Variants in SMC1A observed in about 807,000 individuals in gnomAD.
SMC1A encodes structural maintenance of chromosomes 1A.
SMC1A carries 4 observed loss-of-function variants against 94.5 expected under a neutral mutation model. That is an observed-to-expected ratio of 0.04 (90% CI 0.02 to 0.10). SMC1A has a LOEUF of 0.10. Among genes scored for constraint, SMC1A ranks in the 10% least tolerant of loss-of-function variants. The pLI, the probability that SMC1A is intolerant of heterozygous loss-of-function variation, is 1.00. For synonymous variants in SMC1A, 345 were observed against 347.7 expected, an observed-to-expected ratio of 0.99 and a Z score of 0.09; for missense variants, 304 against 989.0, an observed-to-expected ratio of 0.31 and a Z score of 9.29.
Position 53,379,247 on chromosome X carries a change from T to C in SMC1A, c.*856A>G, listed in dbSNP as rs1176346950. ...GACTTGCCCAAGGTCAAACAACTAGTAAGTGATAAAAAGTGGGACCAGAAC... is the reference window on the plus strand; with the variant it reads ...GACTTGCCCAAGGTCAAACAACTAGCAAGTGATAAAAAGTGGGACCAGAAC... On this transcript the variant is annotated 3_prime_UTR_variant, in exon 25 of 25. Coordinates refer to ENST00000322213, the MANE Select transcript of SMC1A (RefSeq NM_006306.4). 5 of 111,624 alleles carry C rather than the reference T, an allele frequency of 4.5e-5. No individual in the cohort carries two copies. The highest frequency in any genetic ancestry group is 1.3e-4 in the African/African-American group (4 of 30,632). The allele number at this position is 111,624 out of a possible 1,213,427, so 9.2% of individuals were successfully genotyped here.
At chrX:53,385,432 G>A (rs929361184) in intron 19 of SMC1A, among the ~76,000 whole-genome samples, 5 of 107,727 alleles carry the variant, frequency 4.6e-5, no homozygotes, top group Non-Finnish European at 9.6e-5. Flanking sequence ...CACCATGCCC[G>A]GCTAATTTTT....
chrX:53,389,088 G>A (rs969099255), intron 19 of SMC1A, among the ~76,000 whole-genome samples: 1 of 102,131 alleles, frequency 9.8e-6, no homozygotes. Context: ...CCACTTACAA[G>A]AACTACAGAG....
At chrX:53,420,683 G>C (rs1325460135) in intron 1 of SMC1A, among the ~76,000 whole-genome samples, 1 of 111,725 alleles carries the variant, frequency 9.0e-6, no homozygotes, top group African/African-American at 3.3e-5. Flanking sequence ...TGCAGACCAG[G>C]AGTCAGCCTT....
intron 5 of SMC1A, 48 bp from the exon 6 acceptor site, chrX:53,412,301 G>T: frequency 8.4e-7 from 1 of 1,183,906 alleles, no homozygotes; most frequent in Admixed American, 2.2e-5. Flanking sequence ...TGGAAGAAGG[G>T]AGGGTTCCCA....
At chrX:53,394,693 C>G (rs1457038050) in intron 19 of SMC1A, 85 bp downstream of exon 19, 2 of 612,138 alleles carry the variant, frequency 3.3e-6, no homozygotes, top group Non-Finnish European at 5.3e-6. Flanking sequence ...CCCAGATGGG[C>G]TGACCTCCTC....
At chrX:53,383,624 A>G (rs1309811262) in intron 19 of SMC1A, among the ~76,000 whole-genome samples, 2 of 111,918 alleles carry the variant, frequency 1.8e-5, no homozygotes, top group African/African-American at 6.5e-5. Context: ...GCCGCTTTGG[A>G]CTCCACTTAC....
intron 19 of SMC1A, among the ~76,000 whole-genome samples, chrX:53,387,076 AC>A (rs782375461): frequency 8.9e-6 from 1 of 112,126 alleles, no homozygotes; most frequent in Non-Finnish European, 1.9e-5. Flanking sequence ...GCTCACTGCA[AC>A]CTCTGCCTCC....
At chrX:53,422,115 G>A (rs1377656788) in intron 1 of SMC1A, 30 of 1,084,448 alleles carry the variant, frequency 2.8e-5, no homozygotes, top group Middle Eastern at 3.6e-4. Context: ...TCCGGAGGGG[G>A]TCAAGTAAGG....
Position 53,412,054 on chromosome X carries a change from C to G in SMC1A, c.1054G>C (p.Glu352Gln). Residue 352 changes from glutamate (E) to glutamine (Q), a missense_variant, in exon 6 of 25, where the codon GAA becomes CAA. Glu to Gln is a conservative substitution (Grantham distance 29). This residue lies in a region of SMC1A where 120 missense variants were observed against 314.9 expected (regional missense o/e 0.38). Coordinates refer to ENST00000322213, the MANE Select transcript of SMC1A (RefSeq NM_006306.4). ...SVEKARQEFE[E>Q]RMEEESQSQG... ...CTCTGACTCTCTTCTTCCATCCGTT[C>G]TTCAAACTCCTGCCGAGCCTTCTCC... The G allele has an allele frequency of 8.3e-7, 1 of 1,211,191 alleles. No homozygotes were observed.
rs1569361831 is a variant in SMC1A, at chrX:53,422,619, G to GCAGTAGGACAGGCCGCGGCGCCGGCA, written c.-20_-19insTGCCGGCGCCGCGGCCTGTCCTACTG. The GCAGTAGGACAGGCCGCGGCGCCGGCA allele has an allele frequency of 2.7e-6, 3 of 1,115,931 alleles. No homozygotes were observed. The highest frequency in any genetic ancestry group is 2.2e-5 in the Admixed American group (1 of 45,861). The allele number at this position is 1,115,931 out of a possible 1,213,427, so 92.0% of individuals were successfully genotyped here. On this transcript the variant is annotated 5_prime_UTR_variant, in exon 1 of 25. Transcript: ENST00000322213. ...ACCCCATGACGGCCGCGGCGCCGGC[G>GCAGTAGGACAGGCCGCGGCGCCGGCA]GCAGTAGGACAGGCCGCGCCGTACG...
chrX:53,380,957 CCCTGAAACCCAACCCCGA>C, intron 23 of SMC1A, 43 bp downstream of exon 23: 4 of 1,004,684 alleles, frequency 4.0e-6, no homozygotes, highest in Non-Finnish European at 5.7e-6. Context: ...AGGAGTTGCT[CCCTGAAACCCAACCCCGA>C]CCTGGGGGCA....
At chrX:53,391,473 A>G (rs2075629279) in intron 19 of SMC1A, among the ~76,000 whole-genome samples, 1 of 110,583 alleles carries the variant, frequency 9.0e-6, no homozygotes, top group African/African-American at 3.3e-5. Flanking sequence ...AAAAAAAAAA[A>G]AAGAGAAGAA....
chrX:53,403,702 C>T, intron 14 of SMC1A, 30 bp from the exon 15 acceptor site: 1 of 1,183,640 alleles, frequency 8.4e-7, no homozygotes, highest in South Asian at 1.8e-5. Context: ...AGGGCATCGG[C>T]CCTTTTAGTC....
At chrX:53,409,341 G>C (rs1313470826) in intron 8 of SMC1A, 72 bp from the exon 9 acceptor site, 3 of 1,154,498 alleles carry the variant, frequency 2.6e-6, no homozygotes, top group Non-Finnish European at 2.4e-6. Flanking sequence ...AGCTCTGGGG[G>C]TCCTGCATGA....
In SMC1A at chrX:53,377,486, C is replaced by T. The variant is rs1470218899; in HGVS notation, c.*2617G>A. On this transcript the variant is annotated 3_prime_UTR_variant, in exon 25 of 25. Coordinates refer to ENST00000322213, the MANE Select transcript of SMC1A (RefSeq NM_006306.4). ...GCTTCTCATTATAAGCCCTTCTGTA[C>T]TATTTTATTTTTTTACCTGTGTATA... The T allele has an allele frequency of 8.9e-6, 1 of 112,044 alleles. No homozygotes were observed. Among genetic ancestry groups the T allele is most frequent in the Non-Finnish European group, 1.9e-5 (1 of 53,160 alleles). The allele number at this position is 112,044 out of a possible 1,213,427, so 9.2% of individuals were successfully genotyped here. A position where few individuals can be genotyped will look rare whatever the true frequency, so the allele number is the denominator to read the frequency against.
chrX:53,389,850 T>C (rs1465669135), intron 19 of SMC1A, among the ~76,000 whole-genome samples: 3 of 88,026 alleles, frequency 3.4e-5, no homozygotes, highest in African/African-American at 1.3e-4. Flanking sequence ...TTCTTTTTTT[T>C]TTTTTTTTTT....
intron 15 of SMC1A, among the ~76,000 whole-genome samples, chrX:53,400,637 T>C (rs782555095): frequency 1.8e-5 from 2 of 111,442 alleles, no homozygotes; most frequent in Admixed American, 9.6e-5. Flanking sequence ...AGAACTTGGA[T>C]AGTACAAAAA....
chrX:53,396,626 A>G lies in SMC1A; in HGVS notation c.2563-9T>C, dbSNP rs2075652306. ...ATGTGTCTTTGTTCCTCCTGGTCCC[A>G]GCAGTGGGAACAGGACAATAGGTGA... is the stretch of plus-strand genomic sequence containing the variant. On this transcript the variant is annotated splice_polypyrimidine_tract_variant and intron_variant, in intron 16 of 24. Coordinates refer to ENST00000322213, the MANE Select transcript of SMC1A (RefSeq NM_006306.4). 8.3e-7 allele frequency: 1 copy of G among 1,203,665 alleles called. No homozygotes were observed. The highest frequency in any genetic ancestry group is 1.1e-6 in the Non-Finnish European group (1 of 894,048).
At chrX:53,399,392 T>C (rs2075663173) in intron 16 of SMC1A, among the ~76,000 whole-genome samples, 197 bp downstream of exon 16, 1 of 112,696 alleles carries the variant, frequency 8.9e-6, no homozygotes, top group African/African-American at 3.2e-5. Context: ...ATTATTTGTA[T>C]GTGTTTAGGG....
Sources: allele counts gnomAD v4.1 joint callset (sites outside exome capture counted in the v4.1 genomes callset), GRCh38; gene constraint gnomAD v4.1.1; regional missense constraint gnomAD v4.1.1; transcripts MANE v1.5; gene names NCBI Gene and HGNC (gene_info 2026-07-23, HGNC 2026-07-21).